PRKAG2: variants seen among roughly 807,000 people sequenced by gnomAD.
The protein encoded by PRKAG2 is protein kinase AMP-activated non-catalytic subunit gamma 2.
PRKAG2 carries 26 observed loss-of-function variants against 69.6 expected under a neutral mutation model. The ratio of observed to expected loss-of-function variants is 0.37; its 90% confidence interval spans 0.27 to 0.52. PRKAG2 has a LOEUF of 0.52. Ranked by LOEUF, PRKAG2 falls within the 20% of genes least tolerant of loss-of-function variation. PRKAG2 has a pLI of 0.90. For missense variants in PRKAG2, 557 were observed against 740.0 expected (o/e 0.75, Z 2.87); for synonymous variants, 293 against 285.0 (o/e 1.03, Z -0.28).
In PRKAG2 at chr7:151,557,151, C is replaced by T. The variant is rs1326974793; in HGVS notation, c.*50G>A. On this transcript the variant is annotated 3_prime_UTR_variant, in exon 16 of 16. Coordinates refer to ENST00000287878, the MANE Select transcript of PRKAG2 (RefSeq NM_016203.4). ...CAGTGTTCATGAGGCAAAACGTGACCCAGAGACTTTGTTCAAGTTCTCCTC... is the reference window on the plus strand; with the variant it reads ...CAGTGTTCATGAGGCAAAACGTGACTCAGAGACTTTGTTCAAGTTCTCCTC... 2 of 1,613,884 alleles carry T rather than the reference C, an allele frequency of 1.2e-6. No homozygotes were observed. Among genetic ancestry groups the T allele is most frequent in the African/African-American group, 1.3e-5 (1 of 74,996 alleles).
chr7:151,786,269 T>C (rs1245277192), intron 2 of PRKAG2, among the ~76,000 whole-genome samples: 1 of 152,118 alleles, frequency 6.6e-6, no homozygotes, highest in Non-Finnish European at 1.5e-5. Flanking sequence ...GGAGGCTCTC[T>C]AGTGGGATAG....
chr7:151,557,959 G>A, intron 15 of PRKAG2: 1 of 984,232 alleles, frequency 1.0e-6, no homozygotes, highest in Non-Finnish European at 1.2e-6. Context: ...TATCTGGCTA[G>A]GACATTCCAC....
At chr7:151,732,654 G>A (rs527763724) in intron 3 of PRKAG2, among the ~76,000 whole-genome samples, 3 of 152,178 alleles carry the variant, frequency 2.0e-5, no homozygotes, top group African/African-American at 4.8e-5. Flanking sequence ...CTGAGATATC[G>A]CCCCTGTTCA....
intron 3 of PRKAG2, among the ~76,000 whole-genome samples, chr7:151,769,830 C>A (rs2075931634): frequency 6.6e-6 from 1 of 152,292 alleles, no homozygotes; most frequent in East Asian, 1.9e-4. Context: ...TGCACCCCCA[C>A]CCCATAGAGT....
At chr7:151,653,070 A>G (rs1350236953) in intron 4 of PRKAG2, among the ~76,000 whole-genome samples, 1 of 148,818 alleles carries the variant, frequency 6.7e-6, no homozygotes, top group East Asian at 1.9e-4. Flanking sequence ...CTTTTCTCTG[A>G]ACTTAATGCC....
intron 3 of PRKAG2, among the ~76,000 whole-genome samples, chr7:151,749,176 G>A (rs907892958): frequency 2.0e-5 from 3 of 152,214 alleles, no homozygotes; most frequent in African/African-American, 7.2e-5. Context: ...ACTCAGAAAA[G>A]GAGGCTACGG....
chr7:151,665,147 C>T (rs1258775918), intron 4 of PRKAG2, among the ~76,000 whole-genome samples: 2 of 152,052 alleles, frequency 1.3e-5, no homozygotes, highest in Non-Finnish European at 2.9e-5. Context: ...GATGCACCCC[C>T]TTTTTGCTGG....
intron 3 of PRKAG2, among the ~76,000 whole-genome samples, chr7:151,676,377 G>A (rs1028597428): frequency 6.6e-6 from 1 of 152,064 alleles, no homozygotes; most frequent in African/African-American, 2.4e-5. Flanking sequence ...AAATACCCAA[G>A]GAGACTTCAG....
chr7:151,634,516 A>C (rs942236728), intron 4 of PRKAG2, among the ~76,000 whole-genome samples: 2 of 152,230 alleles, frequency 1.3e-5, no homozygotes, highest in Non-Finnish European at 2.9e-5. Flanking sequence ...TGAAAAGAAA[A>C]GCTACACAGT....
chr7:151,628,143 C>T (rs562693283), intron 5 of PRKAG2, among the ~76,000 whole-genome samples: 1 of 152,348 alleles, frequency 6.6e-6, no homozygotes, highest in African/African-American at 2.4e-5. Flanking sequence ...AAGAGCCCAG[C>T]TCCTCCGGCA....
At chr7:151,564,000 G>A in intron 14 of PRKAG2, 78 bp downstream of exon 14, 2 of 1,598,818 alleles carry the variant, frequency 1.3e-6, no homozygotes, top group Non-Finnish European at 1.7e-6. Context: ...TGAGATTCAG[G>A]CTTCCAGAGG....
chr7:151,749,480 T>C (rs1372186753), intron 3 of PRKAG2, among the ~76,000 whole-genome samples: 1 of 152,192 alleles, frequency 6.6e-6, no homozygotes, highest in Non-Finnish European at 1.5e-5. Context: ...TCTGCTGTTA[T>C]GAAACATTTT....
intron 6 of PRKAG2, among the ~76,000 whole-genome samples, chr7:151,584,714 T>A (rs911849947): frequency 2.0e-5 from 3 of 151,898 alleles, no homozygotes; most frequent in Non-Finnish European, 4.4e-5. Flanking sequence ...CTGGGCAACA[T>A]AGCAAAACCC....
At chr7:151,689,974 C>T (rs546880064) in intron 3 of PRKAG2, among the ~76,000 whole-genome samples, 9 of 152,100 alleles carry the variant, frequency 5.9e-5, no homozygotes, top group South Asian at 2.1e-4. Flanking sequence ...CGATTCTCCA[C>T]GGAGGAGGAA....
In PRKAG2 at chr7:151,814,344, G is replaced by A. The variant is rs192700920; in HGVS notation, c.115-27803C>T. On this transcript the variant is annotated intron_variant, in intron 1 of 15. Coordinates refer to ENST00000287878, the MANE Select transcript of PRKAG2 (RefSeq NM_016203.4). The surrounding 1 kb of genome is among the most constrained non-coding windows in gnomAD (Gnocchi z 4.8). Reference sequence around the variant, plus strand: ...CACCAAGGAGACAAAGCATCGTGAGGGGGAAAACCGCACACCCAGGGACGC... The same window carrying A: ...CACCAAGGAGACAAAGCATCGTGAGAGGGAAAACCGCACACCCAGGGACGC... 3.6e-3 allele frequency: 3,865 copies of A among 1,070,208 alleles called. 10 individuals carry two copies. The highest frequency in any genetic ancestry group is 4.3e-3 in the Non-Finnish European group (3,666 of 854,648). The allele number at this position is 1,070,208 out of a possible 1,614,324, so 66.3% of individuals were successfully genotyped here. A position where few individuals can be genotyped will look rare whatever the true frequency, so the allele number is the denominator to read the frequency against.
At chr7:151,767,353 T>C (rs977899865) in intron 3 of PRKAG2, among the ~76,000 whole-genome samples, 1 of 152,244 alleles carries the variant, frequency 6.6e-6, no homozygotes, top group Non-Finnish European at 1.5e-5. Flanking sequence ...TGCAGTGGCC[T>C]GATCTCAGCT....
At chr7:151,559,083 A>T in intron 15 of PRKAG2, 1 of 985,394 alleles carries the variant, frequency 1.0e-6, no homozygotes, top group African/African-American at 1.7e-5. Context: ...TGCCCAGAGA[A>T]GAGGCCTTTT....
intron 15 of PRKAG2, chr7:151,559,004 G>T: frequency 1.3e-5 from 13 of 985,428 alleles, no homozygotes; most frequent in Non-Finnish European, 1.6e-5. Flanking sequence ...ACTGTGTCCC[G>T]TGGTCCAGGG....
intron 3 of PRKAG2, among the ~76,000 whole-genome samples, chr7:151,716,473 T>G (rs537206035): frequency 6.6e-5 from 10 of 152,218 alleles, no homozygotes; most frequent in African/African-American, 2.4e-4. Context: ...AGGGCTTGGA[T>G]CCACAAGTCC....
Sources: allele counts gnomAD v4.1 joint callset (sites outside exome capture counted in the v4.1 genomes callset), GRCh38; gene constraint gnomAD v4.1.1; non-coding constraint Gnocchi (gnomAD v3.1); transcripts MANE v1.5; gene names NCBI Gene and HGNC (gene_info 2026-07-23, HGNC 2026-07-21).